Variants in CTNNA3 observed in about 807,000 individuals in gnomAD.
CTNNA3 encodes the protein catenin alpha 3.
In CTNNA3, 76 loss-of-function variants were observed where a neutral mutation model predicts 95.7. That is an observed-to-expected ratio of 0.79 (90% CI 0.66 to 0.96). CTNNA3 has a LOEUF of 0.96. CTNNA3 is among the 40% of genes least tolerant of loss of function. The probability of loss-of-function intolerance (pLI) is 0.00; values close to 1 mark genes in which losing one functional copy is unlikely to be tolerated. For missense variants in CTNNA3, 1,191 were observed against 1,089.8 expected (o/e 1.09, Z -1.31); for synonymous variants, 431 against 374.4 (o/e 1.15, Z -1.74).
chr10:67,742,504 G>T (rs554818480), intron 1 of CTNNA3, among the ~76,000 whole-genome samples: 17 of 151,258 alleles, frequency 1.1e-4, no homozygotes, highest in African/African-American at 3.9e-4. Flanking sequence ...TCAAGGCAGT[G>T]TGTGGAGGGA....
chr10:67,231,003 G>A lies in CTNNA3; in HGVS notation c.580-11133C>T, dbSNP rs549749118. On this transcript the variant is annotated intron_variant, in intron 5 of 17. Coordinates refer to ENST00000433211, the MANE Select transcript of CTNNA3 (RefSeq NM_013266.4). Reference sequence around the variant, plus strand: ...ACGGCGCACCAGGAGACTGTGTCCCGCACCTGGCTGGGAGGGTCCTACGCC... The same window carrying A: ...ACGGCGCACCAGGAGACTGTGTCCCACACCTGGCTGGGAGGGTCCTACGCC... 1.8e-4 allele frequency among the ~76,000 whole-genome samples: 28 copies of A among 152,334 alleles called. 1 individual carries two copies. The South Asian group carries it at 1.9e-3, about 10-fold the overall frequency.
chr10:65,988,862 T>G, intron 15 of CTNNA3, 65 bp from the exon 16 acceptor site: 1 of 1,168,244 alleles, frequency 8.6e-7, no homozygotes, highest in Non-Finnish European at 1.3e-6. Flanking sequence ...GCTACGATGG[T>G]TCATGAAAAA....
intron 5 of CTNNA3, among the ~76,000 whole-genome samples, chr10:67,453,757 T>C (rs909973994): frequency 3.9e-5 from 6 of 152,170 alleles, no homozygotes; most frequent in Non-Finnish European, 8.8e-5. Flanking sequence ...TGTGAATAAA[T>C]ATAGCATGGC....
At chr10:67,622,890 AAAAATAACATCTTTATACTTATTAAGCC>A (rs1843892533) in intron 2 of CTNNA3, among the ~76,000 whole-genome samples, 1 of 152,208 alleles carries the variant, frequency 6.6e-6, no homozygotes, top group Non-Finnish European at 1.5e-5. Context: ...ATCCTACCAT[AAAAATAACATCTTTATACTTATTAAGCC>A]TTAAGCCTAT....
At chr10:66,014,712 G>C (rs2079061884) in intron 15 of CTNNA3, among the ~76,000 whole-genome samples, 1 of 152,120 alleles carries the variant, frequency 6.6e-6, no homozygotes, top group Admixed American at 6.5e-5. Context: ...AGAAAAAAAA[G>C]TTTACATTGT....
chr10:67,341,019 T>C (rs986525980), intron 5 of CTNNA3, among the ~76,000 whole-genome samples: 3 of 152,174 alleles, frequency 2.0e-5, no homozygotes, highest in Non-Finnish European at 2.9e-5. Flanking sequence ...GTTATTGAAA[T>C]AAGACATATA....
chr10:66,471,280 T>C (rs150207610), intron 11 of CTNNA3, among the ~76,000 whole-genome samples: 17 of 152,018 alleles, frequency 1.1e-4, no homozygotes, highest in African/African-American at 3.9e-4. Context: ...TTACAACATA[T>C]ATCAATGCAT....
intron 7 of CTNNA3, among the ~76,000 whole-genome samples, chr10:67,108,225 T>C (rs1858752474): frequency 2.0e-5 from 3 of 152,170 alleles, no homozygotes; most frequent in African/African-American, 7.2e-5. Flanking sequence ...AAAGTTGTCA[T>C]TTAAAAAGTA....
At chr10:66,398,344 T>C (rs2092995103) in intron 11 of CTNNA3, among the ~76,000 whole-genome samples, 1 of 151,928 alleles carries the variant, frequency 6.6e-6, no homozygotes, top group Non-Finnish European at 1.5e-5. Context: ...AAATTTTTTG[T>C]CTCATACAGA....
At chr10:67,045,686 G>A (rs1327023333) in intron 7 of CTNNA3, among the ~76,000 whole-genome samples, 2 of 152,150 alleles carry the variant, frequency 1.3e-5, no homozygotes, top group Non-Finnish European at 2.9e-5. Flanking sequence ...GGGATGGGGC[G>A]GCCCCCAGGC....
chr10:66,631,934 ATT>A (rs2132346562), intron 9 of CTNNA3, among the ~76,000 whole-genome samples: 1 of 147,490 alleles, frequency 6.8e-6, no homozygotes, highest in South Asian at 2.2e-4. Flanking sequence ...TTTTCTATAT[ATT>A]TTAAAAGTTT....
chr10:66,131,347 G>A (rs892435546), intron 13 of CTNNA3, among the ~76,000 whole-genome samples: 51 of 152,030 alleles, frequency 3.4e-4, no homozygotes, highest in African/African-American at 1.1e-3. Flanking sequence ...CCAGCAACAC[G>A]TCAAAAAACT....
chr10:67,143,425 T>TAAAACAAAAAAAAAAAAAAA (rs1860686943), intron 7 of CTNNA3, among the ~76,000 whole-genome samples: 1 of 76,006 alleles, frequency 1.3e-5, no homozygotes, highest in Admixed American at 1.5e-4. Context: ...GGCTCTGTCT[T>TAAAACAAAAAAAAAAAAAAA]AAAAAAAAAA....
At chr10:67,504,294 T>C (rs1298577803) in intron 5 of CTNNA3, among the ~76,000 whole-genome samples, 4 of 146,038 alleles carry the variant, frequency 2.7e-5, no homozygotes, top group Admixed American at 6.8e-5. Context: ...CTACTAAAAA[T>C]ACAAAAAAAT....
intron 11 of CTNNA3, among the ~76,000 whole-genome samples, chr10:66,492,605 T>C (rs1205985387): frequency 6.6e-6 from 1 of 152,160 alleles, no homozygotes; most frequent in African/African-American, 2.4e-5. Flanking sequence ...TCCCCATTTT[T>C]TTGACAACAG....
intron 1 of CTNNA3, among the ~76,000 whole-genome samples, chr10:67,745,909 T>C (rs1319642322): frequency 1.3e-5 from 2 of 151,942 alleles, no homozygotes. Flanking sequence ...AAGACACTGA[T>C]GAAAGAAATT....
chr10:67,228,428 C>A (rs1188569370), intron 5 of CTNNA3, among the ~76,000 whole-genome samples: 3 of 152,030 alleles, frequency 2.0e-5, no homozygotes, highest in Admixed American at 1.3e-4. Context: ...GTTTGGCCAA[C>A]ATGGTAAAAC....
chr10:66,888,545 TC>T, intron 7 of CTNNA3, among the ~76,000 whole-genome samples: 1 of 120,654 alleles, frequency 8.3e-6, no homozygotes, highest in Non-Finnish European at 1.9e-5. Context: ...TGGTAGTTTT[TC>T]ATTTTTTTTT....
At chr10:66,848,347 G>A (rs1238905789) in intron 7 of CTNNA3, among the ~76,000 whole-genome samples, 1 of 152,178 alleles carries the variant, frequency 6.6e-6, no homozygotes, top group Non-Finnish European at 1.5e-5. Context: ...GAATGATCTA[G>A]TCAGGCTCTG....
Sources: gnomAD v4.1 joint callset for allele counts (sites outside exome capture counted in the v4.1 genomes callset) on GRCh38, gnomAD v4.1.1 for gene constraint, MANE v1.5 for transcripts, NCBI Gene and HGNC (gene_info 2026-07-23, HGNC 2026-07-21) for gene names.